The following PCLO variants were observed in gnomAD, a reference collection of about 807,000 sequenced individuals.
The protein encoded by PCLO is protein piccolo.
PCLO carries 82 observed loss-of-function variants against 427.5 expected under a neutral mutation model. The ratio of observed to expected loss-of-function variants is 0.19; its 90% CI spans 0.16 to 0.23. The LOEUF (loss-of-function observed/expected upper bound fraction) is 0.23, where lower values mean the gene tolerates loss of function less well. Among genes scored for constraint, PCLO ranks in the 10% least tolerant of loss-of-function variants. The pLI, the probability that PCLO is intolerant of heterozygous loss-of-function variation, is 1.00. For missense variants in PCLO, 6,239 were observed against 6,115.9 expected (o/e 1.02, Z -0.67); for synonymous variants, 2,357 against 2,155.4 (o/e 1.09, Z -2.59).
chr7:83,005,017 T>C (rs561953387), intron 3 of PCLO, among the ~76,000 whole-genome samples: 25 of 151,622 alleles, frequency 1.6e-4, no homozygotes, highest in African/African-American at 5.5e-4. Context: ...CAAAAAGTCA[T>C]ATAATAAGTG....
At chr7:82,764,643 G>A (rs931180148) in intron 22 of PCLO, among the ~76,000 whole-genome samples, 4 of 151,872 alleles carry the variant, frequency 2.6e-5, no homozygotes, top group African/African-American at 9.7e-5. Flanking sequence ...TGCAGAGGTT[G>A]AGATCTTATT....
chr7:82,840,188 C>A (rs1792332002), intron 14 of PCLO, among the ~76,000 whole-genome samples: 1 of 152,040 alleles, frequency 6.6e-6, no homozygotes, highest in Admixed American at 6.6e-5. Context: ...AAGATCAAGT[C>A]AGTGAAAAAC....
At chr7:83,120,850 A>T (rs1048237423) in intron 3 of PCLO, among the ~76,000 whole-genome samples, 2 of 152,176 alleles carry the variant, frequency 1.3e-5, no homozygotes, top group Non-Finnish European at 2.9e-5. Flanking sequence ...GAGTTCATCA[A>T]TCTGAAAGAA....
At chr7:82,981,852 G>A (rs545490966) in intron 3 of PCLO, among the ~76,000 whole-genome samples, 1 of 152,246 alleles carries the variant, frequency 6.6e-6, no homozygotes, top group African/African-American at 2.4e-5. Flanking sequence ...GGATTCTGAA[G>A]TAGAAGTTTA....
intron 3 of PCLO, among the ~76,000 whole-genome samples, chr7:83,098,420 A>G (rs1035493336): frequency 6.6e-6 from 1 of 152,194 alleles, no homozygotes; most frequent in African/African-American, 2.4e-5. Flanking sequence ...GACTTGCGAT[A>G]GACACCAAGG....
intron 6 of PCLO, among the ~76,000 whole-genome samples, chr7:82,924,673 A>G (rs1794672602): frequency 6.6e-6 from 1 of 152,104 alleles, no homozygotes; most frequent in Admixed American, 6.6e-5. Flanking sequence ...AATTAAAAAG[A>G]GATTAAAACT....
intron 3 of PCLO, among the ~76,000 whole-genome samples, chr7:82,971,743 T>C (rs1371988698): frequency 1.4e-5 from 2 of 137,988 alleles, no homozygotes; most frequent in South Asian, 2.1e-4. Context: ...GTACCAACCA[T>C]ATATATATAT....
intron 3 of PCLO, among the ~76,000 whole-genome samples, chr7:83,120,843 T>A (rs952072982): frequency 3.9e-5 from 6 of 151,956 alleles, no homozygotes; most frequent in Non-Finnish European, 8.8e-5. Flanking sequence ...CTAAAAGGAG[T>A]TCATCAATCT....
At chr7:83,019,997 A>C (rs1313862202) in intron 3 of PCLO, among the ~76,000 whole-genome samples, 1 of 152,156 alleles carries the variant, frequency 6.6e-6, no homozygotes, top group Non-Finnish European at 1.5e-5. Context: ...GTAAGAGTCT[A>C]AATGATGAAG....
chr7:82,904,010 G>A (rs1337077139), intron 8 of PCLO, among the ~76,000 whole-genome samples: 3 of 151,798 alleles, frequency 2.0e-5, no homozygotes, highest in Non-Finnish European at 2.9e-5. Flanking sequence ...GCTTAAGCAG[G>A]CCTTAGATTA....
At chr7:83,110,477 T>C (rs1296543980) in intron 3 of PCLO, among the ~76,000 whole-genome samples, 3 of 152,088 alleles carry the variant, frequency 2.0e-5, no homozygotes, top group Non-Finnish European at 4.4e-5. Flanking sequence ...CAATATGCCA[T>C]GTTTTGCCTT....
chr7:82,880,513 G>T, intron 9 of PCLO: 1 of 255,230 alleles, frequency 3.9e-6, no homozygotes, highest in Non-Finnish European at 8.3e-6. Context: ...CACAGTGCTG[G>T]AATTACAGGC....
chr7:82,792,090 T>A (rs1301547230), intron 22 of PCLO, among the ~76,000 whole-genome samples: 16 of 152,092 alleles, frequency 1.1e-4, no homozygotes. Flanking sequence ...AAAAACTTTC[T>A]CTATTCAACA....
At position 82,955,207 on chromosome 7, in the gene PCLO, C is replaced by T. The variant is rs1315913484; in HGVS notation, c.5746G>A (p.Glu1916Lys). 1 of 1,613,792 alleles carries T rather than the reference C, an allele frequency of 6.2e-7. No homozygotes were observed. Among genetic ancestry groups the T allele is most frequent in the Admixed American group, 1.7e-5 (1 of 59,998 alleles). Residue 1916 changes from glutamate (E) to lysine (K), a missense_variant, in exon 5 of 25, where the codon GAG becomes AAG. Physicochemically the swap from Glu to Lys is moderately conservative, Grantham distance 56 (BLOSUM62 1). Around this residue, in one of 5 missense-constraint regions of PCLO, gnomAD observed 4,677 missense variants for 4,468.4 expected, o/e 1.05. Coordinates refer to ENST00000333891, the MANE Select transcript of PCLO (RefSeq NM_033026.6). Reference protein sequence around the residue: ...GSQKALKSAEEMYEEMMHKTH... With the variant: ...GSQKALKSAEKMYEEMMHKTH... ...TTATGCATCATTTCTTCATACATCT[C>T]CTCAGCACTTTTTAACGCCTTTTGG...
intron 6 of PCLO, among the ~76,000 whole-genome samples, chr7:82,926,975 T>G (rs79134839): frequency 0.011 from 1,686 of 152,256 alleles, 33 homozygotes; most frequent in African/African-American, 0.037. Context: ...GAACAAAATA[T>G]ATCCTGTTCA....
intron 22 of PCLO, among the ~76,000 whole-genome samples, chr7:82,767,140 A>T (rs1289590645): frequency 6.6e-6 from 1 of 152,188 alleles, no homozygotes; most frequent in Non-Finnish European, 1.5e-5. Context: ...ACAAACAAAC[A>T]AACAACAAAA....
intron 16 of PCLO, among the ~76,000 whole-genome samples, chr7:82,833,181 A>G (rs2115725370): frequency 6.6e-6 from 1 of 152,302 alleles, no homozygotes; most frequent in African/African-American, 2.4e-5. Context: ...TGCTTTCCAC[A>G]GGTCCCAGAG....
At chr7:82,918,174 T>C (rs1190226756) in intron 6 of PCLO, among the ~76,000 whole-genome samples, 1 of 151,982 alleles carries the variant, frequency 6.6e-6, no homozygotes, top group Admixed American at 6.6e-5. Flanking sequence ...TTTTTCCTCA[T>C]AGAGCAATCC....
chr7:82,821,558 A>G lies in PCLO; in HGVS notation c.14791+937T>C, dbSNP rs982562216. 1.2e-5 allele frequency: 12 copies of G among 976,650 alleles called. No homozygotes were observed. In the African/African-American group the frequency reaches 1.9e-4, roughly 16 times the overall value. The allele number at this position is 976,650 out of a possible 1,614,324, so 60.5% of individuals were successfully genotyped here. A position where few individuals can be genotyped will look rare whatever the true frequency, so the allele number is the denominator to read the frequency against. On this transcript the variant is annotated intron_variant, in intron 20 of 24. Transcript: ENST00000333891. ...CTTTTAGAAGTAACAGGGTACCTACATTTGTGAAATATTTGCACATATTAA... is the reference window on the plus strand; with the variant it reads ...CTTTTAGAAGTAACAGGGTACCTACGTTTGTGAAATATTTGCACATATTAA...
Sources: gnomAD v4.1 joint callset for allele counts (sites outside exome capture counted in the v4.1 genomes callset) on GRCh38, gnomAD v4.1.1 for gene constraint, gnomAD v4.1.1 regional missense constraint, MANE v1.5 for transcripts, NCBI Gene and HGNC (gene_info 2026-07-23, HGNC 2026-07-21) for gene names.